ULK4: variants seen among roughly 807,000 people sequenced by gnomAD.
ULK4 encodes the protein unc-51 like kinase 4, also known as inactive serine/threonine-protein kinase ULK4.
In ULK4, 133 loss-of-function variants were observed where a neutral mutation model predicts 160.6. The observed-to-expected ratio is 0.83, with a 90% confidence interval of 0.72 to 0.96. The LOEUF (loss-of-function observed/expected upper bound fraction) is 0.96. Ranked by LOEUF, ULK4 falls within the 40% of genes least tolerant of loss-of-function variation. The probability of loss-of-function intolerance (pLI) is 0.00; values close to 1 mark genes in which losing one functional copy is unlikely to be tolerated. For missense variants in ULK4, 1,580 were observed against 1,499.5 expected (o/e 1.05, Z -0.89); for synonymous variants, 534 against 539.8 (o/e 0.99, Z 0.15).
rs1265438195 is a variant in ULK4 at position 41,715,224 on chromosome 3, T to C, written c.2634+13A>G. ...AATTTTATTAGAAACAAGGAAAATT[T>C]CGTGTTACTCACAAGAATAGTTCCA... On this transcript the variant is annotated intron_variant, in intron 25 of 36. Coordinates refer to ENST00000301831, the MANE Select transcript of ULK4 (RefSeq NM_017886.4). 6.2e-7 allele frequency: 1 copy of C among 1,608,338 alleles called. No homozygotes were observed. Among genetic ancestry groups the C allele is most frequent in the South Asian group, 1.1e-5 (1 of 89,382 alleles).
intron 27 of ULK4, among the ~76,000 whole-genome samples, chr3:41,703,829 C>CGCAT (rs2036765436): frequency 8.3e-6 from 1 of 119,982 alleles, no homozygotes; most frequent in Non-Finnish European, 1.7e-5. Flanking sequence ...GGATTTAATG[C>CGCAT]GCATGCACAC....
chr3:41,591,901 A>C (rs1472843546), intron 31 of ULK4, among the ~76,000 whole-genome samples: 1 of 152,200 alleles, frequency 6.6e-6, no homozygotes, highest in African/African-American at 2.4e-5. Context: ...ATTGCTCCAT[A>C]ATCTTTAAAA....
At chr3:41,503,347 C>A (rs1028991094) in intron 32 of ULK4, among the ~76,000 whole-genome samples, 1 of 152,216 alleles carries the variant, frequency 6.6e-6, no homozygotes, top group Non-Finnish European at 1.5e-5. Context: ...TAACTGGTGA[C>A]CCCAAGGGCT....
At chr3:41,490,701 T>C in intron 32 of ULK4, among the ~76,000 whole-genome samples, 1 of 152,206 alleles carries the variant, frequency 6.6e-6, no homozygotes, top group East Asian at 1.9e-4. Flanking sequence ...CCGAGCAAGA[T>C]GCTTCTTGAG....
chr3:41,829,091 A>T (rs2041477374), intron 18 of ULK4, among the ~76,000 whole-genome samples: 1 of 151,332 alleles, frequency 6.6e-6, no homozygotes, highest in Non-Finnish European at 1.5e-5. Flanking sequence ...CTGGCTAGCC[A>T]TATGTAGAAA....
In ULK4 at chr3:41,900,596, A is replaced by T. The variant is rs1231150525; in HGVS notation, c.1287+129T>A. 15 of 768,408 alleles carry T rather than the reference A, an allele frequency of 2.0e-5. No homozygotes were observed. In the Admixed American group the frequency reaches 2.8e-4, roughly 14 times the overall value. The allele number at this position is 768,408 out of a possible 1,614,324, so 47.6% of individuals were successfully genotyped here. A position where few individuals can be genotyped will look rare whatever the true frequency, so the allele number is the denominator to read the frequency against. On this transcript the variant is annotated intron_variant, in intron 13 of 36. Transcript: ENST00000301831. ...AGCTGCAAATGCAGACATGCAGCAC[A>T]AATGACACAGAAGCAGACAAGAGAA...
intron 1 of ULK4, among the ~76,000 whole-genome samples, chr3:41,959,291 G>A (rs1473463428): frequency 2.0e-5 from 3 of 151,204 alleles, no homozygotes; most frequent in African/African-American, 7.3e-5. Flanking sequence ...TTGGACCCGG[G>A]AGGCGGAGGC....
intron 35 of ULK4, chr3:41,278,166 CA>C (rs2079265433): frequency 6.6e-6 from 1 of 152,352 alleles, no homozygotes; most frequent in South Asian, 2.1e-4. Flanking sequence ...CGGTAGGTCC[CA>C]CGCCCACAGA....
At chr3:41,430,847 T>C (rs1228201273) in intron 34 of ULK4, among the ~76,000 whole-genome samples, 3 of 152,178 alleles carry the variant, frequency 2.0e-5, no homozygotes, top group African/African-American at 7.2e-5. Flanking sequence ...ATCCACATTA[T>C]TTTCCTTTCA....
chr3:41,652,926 GAC>G (rs538274367), intron 30 of ULK4, among the ~76,000 whole-genome samples: 1 of 152,108 alleles, frequency 6.6e-6, no homozygotes, highest in Non-Finnish European at 1.5e-5. Flanking sequence ...TGGGGCTTAG[GAC>G]ACACAAATTA....
chr3:41,693,919 G>A lies in ULK4; in HGVS notation c.2781+11138C>T, dbSNP rs149351023. On this transcript the variant is annotated intron_variant, in intron 27 of 36. Transcript: ENST00000301831. ...CGAATATTATAACCACACTAGGAGTGGGGAAGGGAGCTAATCCAAGTACCT... is the reference window on the plus strand; with the variant it reads ...CGAATATTATAACCACACTAGGAGTAGGGAAGGGAGCTAATCCAAGTACCT... Among the ~76,000 whole-genome samples the A allele has an allele frequency of 1.1e-4, 16 of 152,324 alleles. No homozygotes were observed. The East Asian group carries it at 3.1e-3, about 29-fold the overall frequency.
chr3:41,461,889 G>A (rs2083694159), intron 33 of ULK4, among the ~76,000 whole-genome samples: 1 of 152,154 alleles, frequency 6.6e-6, no homozygotes, highest in Non-Finnish European at 1.5e-5. Context: ...ATAAGAAACT[G>A]TGTTCTCTGA....
At chr3:41,557,077 T>C (rs958441173) in intron 32 of ULK4, among the ~76,000 whole-genome samples, 9 of 152,160 alleles carry the variant, frequency 5.9e-5, no homozygotes, top group Non-Finnish European at 1.2e-4. Flanking sequence ...CAATATTAGG[T>C]AACCAATTAA....
chr3:41,313,768 C>T (rs554479720), intron 35 of ULK4, among the ~76,000 whole-genome samples: 1 of 152,176 alleles, frequency 6.6e-6, no homozygotes, highest in Non-Finnish European at 1.5e-5. Flanking sequence ...CCTTTACACT[C>T]CTGCCATCAA....
intron 35 of ULK4, among the ~76,000 whole-genome samples, chr3:41,268,991 C>T (rs750102304): frequency 1.3e-5 from 2 of 152,094 alleles, no homozygotes; most frequent in Admixed American, 6.5e-5. Context: ...TCACTGGCCA[C>T]GCTGACCCAA....
At chr3:41,621,533 A>C (rs973874277) in intron 30 of ULK4, among the ~76,000 whole-genome samples, 4 of 152,234 alleles carry the variant, frequency 2.6e-5, no homozygotes, top group African/African-American at 9.6e-5. Context: ...CTATTTAATA[A>C]ATGGTGCTTG....
At chr3:41,493,720 G>C (rs1326257130) in intron 32 of ULK4, among the ~76,000 whole-genome samples, 4 of 151,158 alleles carry the variant, frequency 2.6e-5, no homozygotes, top group Non-Finnish European at 5.9e-5. Flanking sequence ...GAATCAAATA[G>C]ATGCAATAAA....
At chr3:41,633,446 G>A (rs983161473) in intron 30 of ULK4, among the ~76,000 whole-genome samples, 6 of 152,240 alleles carry the variant, frequency 3.9e-5, no homozygotes, top group African/African-American at 1.4e-4. Flanking sequence ...TTAAGTAGCT[G>A]TAACAGAGAC....
intron 34 of ULK4, among the ~76,000 whole-genome samples, chr3:41,445,035 CA>C (rs2083265328): frequency 6.6e-6 from 1 of 152,142 alleles, no homozygotes; most frequent in South Asian, 2.1e-4. Context: ...TCTCAGGATA[CA>C]AAATCAATGT....
Sources: allele counts gnomAD v4.1 joint callset (sites outside exome capture counted in the v4.1 genomes callset), GRCh38; gene constraint gnomAD v4.1.1; transcripts MANE v1.5; gene names NCBI Gene and HGNC (gene_info 2026-07-23, HGNC 2026-07-21).